The following N4BP2L1 variants were observed in gnomAD, a reference collection of about 807,000 sequenced individuals.
N4BP2L1 encodes the protein NEDD4-binding protein 2-like 1.
N4BP2L1 carries 12 observed loss-of-function variants against 21.2 expected under a neutral mutation model. The observed-to-expected ratio is 0.57, with a 90% CI of 0.36 to 0.92. N4BP2L1 has a LOEUF of 0.92. Among genes scored for constraint, N4BP2L1 ranks in the 40% least tolerant of loss-of-function variants. N4BP2L1 has a pLI of 0.01. For synonymous variants in N4BP2L1, 104 were observed against 112.8 expected (o/e 0.92, Z 0.49); for missense variants, 259 against 310.6 (o/e 0.83, Z 1.25).
At chr13:32,406,703 CAA>C (rs2073530231) in intron 3 of N4BP2L1, 1 of 152,918 alleles carries the variant, frequency 6.5e-6, no homozygotes, top group African/African-American at 2.4e-5. Flanking sequence ...CTCCTGGACT[CAA>C]GTGATCCGCC....
intron 1 of N4BP2L1, among the ~76,000 whole-genome samples, chr13:32,408,768 C>A (rs1259111438): frequency 5.9e-5 from 9 of 152,140 alleles, no homozygotes; most frequent in Admixed American, 5.2e-4. Context: ...ATGACAAGGG[C>A]AGGAAATGCA....
chr13:32,427,768 T>C (rs2074871397), intron 1 of N4BP2L1, 136 bp downstream of exon 1: 3 of 388,262 alleles, frequency 7.7e-6, no homozygotes, highest in Non-Finnish European at 1.2e-5. Context: ...GGGCTGGGGC[T>C]GGGGCCGGGG....
intron 3 of N4BP2L1, chr13:32,407,020 G>T (rs1398238117): frequency 5.6e-6 from 3 of 540,416 alleles, no homozygotes; most frequent in Non-Finnish European, 9.9e-6. Context: ...AAGACCATTT[G>T]CCAAGGACTA....
At chr13:32,419,853 GCTA>G (rs1175143182) in intron 1 of N4BP2L1, among the ~76,000 whole-genome samples, 2 of 152,234 alleles carry the variant, frequency 1.3e-5, no homozygotes, top group East Asian at 3.9e-4. Context: ...TCCTCTGAAT[GCTA>G]CTGACATTCT....
At chr13:32,419,412 A>ATTTTTTTTTTTTGTTTT (rs2074334580) in intron 1 of N4BP2L1, 1 of 260,264 alleles carries the variant, frequency 3.8e-6, no homozygotes, top group African/African-American at 4.5e-5. Flanking sequence ...TGCTTGGCTA[A>ATTTTTTTTTTTTGTTTT]TTTTTTTTTT....
At chr13:32,404,203 C>A in intron 4 of N4BP2L1, 118 bp downstream of exon 4, 2 of 1,607,620 alleles carry the variant, frequency 1.2e-6, no homozygotes, top group South Asian at 1.1e-5. Flanking sequence ...CAAGAATTAC[C>A]ATTTCTGGCC....
chr13:32,422,302 C>T lies in N4BP2L1; in HGVS notation c.179+5602G>A, dbSNP rs187738894. Among the ~76,000 whole-genome samples the T allele has an allele frequency of 7.2e-5, 11 of 151,990 alleles. No individual in the cohort carries two copies. The East Asian group carries it at 1.9e-3, about 27-fold the overall frequency. On this transcript the variant is annotated intron_variant, in intron 1 of 4. Transcript: ENST00000380130. ...CGACAGATCAAAACCAAACTCATTACCCTTTCACGAGATCACCCCCTTTCC... is the reference window on the plus strand; with the variant it reads ...CGACAGATCAAAACCAAACTCATTATCCTTTCACGAGATCACCCCCTTTCC...
At chr13:32,403,543 CTACT>C in intron 4 of N4BP2L1, 3 of 406,332 alleles carry the variant, frequency 7.4e-6, no homozygotes, top group South Asian at 6.3e-5. Context: ...ATATATCTAT[CTACT>C]TATGTTAATC....
At chr13:32,423,618 G>T (rs1359755788) in intron 1 of N4BP2L1, among the ~76,000 whole-genome samples, 2 of 152,148 alleles carry the variant, frequency 1.3e-5, no homozygotes, top group African/African-American at 4.8e-5. Flanking sequence ...GTAAAGTTCT[G>T]ACACATGCTA....
At chr13:32,404,574 C>T (rs1363467124) in intron 3 of N4BP2L1, among the ~76,000 whole-genome samples, 177 bp from the exon 4 acceptor site, 1 of 150,076 alleles carries the variant, frequency 6.7e-6, no homozygotes, top group Non-Finnish European at 1.5e-5. Flanking sequence ...CTTAGCCACT[C>T]TCATAATTCT....
At position 32,407,233 on chromosome 13, in the gene N4BP2L1, A is replaced by G; in HGVS notation, c.396+17T>C. 2 of 1,611,780 alleles carry G rather than the reference A, an allele frequency of 1.2e-6. No homozygotes were observed. Among genetic ancestry groups the G allele is most frequent in the Non-Finnish European group, 1.7e-6 (2 of 1,178,036 alleles). Reference sequence around the variant, plus strand: ...AAATGTCCATAACTGAAAATTCAGAATGATACTTCTTCCTACCATGACTGC... The same window carrying G: ...AAATGTCCATAACTGAAAATTCAGAGTGATACTTCTTCCTACCATGACTGC... On this transcript the variant is annotated intron_variant, in intron 3 of 4. Coordinates refer to ENST00000380130, the MANE Select transcript of N4BP2L1 (RefSeq NM_052818.3).
intron 3 of N4BP2L1, chr13:32,406,795 T>C (rs983240700): frequency 1.3e-5 from 2 of 159,320 alleles, no homozygotes; most frequent in African/African-American, 4.8e-5. Flanking sequence ...GACTAAAATA[T>C]TCTGTTGCCC....
Position 32,400,829 on chromosome 13 carries a change from A to G in N4BP2L1, c.*2113T>C, listed in dbSNP as rs1454260664. ...GAATGATGCAAACAGCGAACACAAT[A>G]CAAGTCAATATTGGGTGTTCAAAGA... On this transcript the variant is annotated 3_prime_UTR_variant, in exon 5 of 5. Transcript: ENST00000380130. 1 of 152,212 alleles carries G rather than the reference A, an allele frequency of 6.6e-6. No individual in the cohort carries two copies. The highest frequency in any genetic ancestry group is 1.5e-5 in the Non-Finnish European group (1 of 68,024). 9.4% of individuals were successfully genotyped at this position (152,212 alleles called of 1,614,324 possible).
intron 2 of N4BP2L1, 125 bp from the exon 3 acceptor site, chr13:32,407,463 A>G (rs757066418): frequency 6.3e-7 from 1 of 1,581,370 alleles, no homozygotes; most frequent in Non-Finnish European, 8.6e-7. Flanking sequence ...TTCAGAGCCC[A>G]CTATCAATCA....
intron 1 of N4BP2L1, among the ~76,000 whole-genome samples, chr13:32,410,546 G>T (rs753771078): frequency 4.6e-5 from 7 of 152,226 alleles, no homozygotes; most frequent in Non-Finnish European, 8.8e-5. Flanking sequence ...AGTGCTCATA[G>T]TTTCCGTATG....
chr13:32,423,188 T>A (rs1352253311), intron 1 of N4BP2L1, among the ~76,000 whole-genome samples: 1 of 152,228 alleles, frequency 6.6e-6, no homozygotes, highest in Non-Finnish European at 1.5e-5. Flanking sequence ...TAGAAAAGCA[T>A]CCTTTCACTT....
intron 1 of N4BP2L1, chr13:32,416,033 T>C (rs1333278140): frequency 6.6e-6 from 1 of 152,246 alleles, no homozygotes; most frequent in Non-Finnish European, 1.5e-5. Context: ...TAGAACACTG[T>C]GTGGAACACA....
chr13:32,405,141 C>T (rs577380156), intron 3 of N4BP2L1, among the ~76,000 whole-genome samples: 1 of 152,106 alleles, frequency 6.6e-6, no homozygotes, highest in Non-Finnish European at 1.5e-5. Context: ...AATAACACAA[C>T]CGGAAACCTC....
rs2073109635 is a variant in N4BP2L1 at position 32,401,168 on chromosome 13, A to T, written c.*1774T>A. The T allele has an allele frequency of 6.6e-6, 1 of 152,096 alleles. No individual in the cohort carries two copies. The highest frequency in any genetic ancestry group is 6.6e-5 in the Admixed American group (1 of 15,264). The allele number at this position is 152,096 out of a possible 1,614,324, so 9.4% of individuals were successfully genotyped here. On this transcript the variant is annotated 3_prime_UTR_variant, in exon 5 of 5. Coordinates refer to ENST00000380130, the MANE Select transcript of N4BP2L1 (RefSeq NM_052818.3). ...CGCTCATGTGAAATCAAAGGATGGT[A>T]ATTTCCACTTTGAGCTCTCTGACAT...
Sources: gnomAD v4.1 joint callset for allele counts (sites outside exome capture counted in the v4.1 genomes callset) on GRCh38, gnomAD v4.1.1 for gene constraint, MANE v1.5 for transcripts, NCBI Gene and HGNC (gene_info 2026-07-23, HGNC 2026-07-21) for gene names.